Variants in NKX2-6 observed in about 807,000 individuals in gnomAD.
The protein encoded by NKX2-6 is NK2 homeobox 6.
NKX2-6 carries 8 observed loss-of-function variants against 8.6 expected under a neutral mutation model. The ratio of observed to expected loss-of-function variants is 0.93; its 90% confidence interval spans 0.54 to 1.67. NKX2-6 has a LOEUF of 1.67. Among genes scored for constraint, NKX2-6 ranks in the 40% most tolerant of loss-of-function variants. The pLI, the probability that NKX2-6 is intolerant of heterozygous loss-of-function variation, is 0.00. For synonymous variants in NKX2-6, 210 were observed against 199.3 expected (o/e 1.05, Z -0.45); for missense variants, 475 against 423.1 (o/e 1.12, Z -1.08).
chr8:23,706,600 C>G lies in NKX2-6; in HGVS notation c.-2G>C. 6.5e-7 allele frequency: 1 copy of G among 1,533,982 alleles called. No homozygotes were observed. Among genetic ancestry groups the G allele is most frequent in the South Asian group, 1.2e-5 (1 of 83,886 alleles). On this transcript the variant is annotated 5_prime_UTR_variant, in exon 1 of 2. Coordinates refer to ENST00000325017, the MANE Select transcript of NKX2-6 (RefSeq NM_001136271.3). The stretch of plus-strand genomic sequence containing the variant: ...GGAGGTGACGGGGCTCAGCAGCATC[C>G]CGAAGGCGGATGGGGCGGGGCCGAG...
Position 23,706,675 on chromosome 8 carries a change from G to A in NKX2-6, c.-77C>T, listed in dbSNP as rs1801098160. The A allele has an allele frequency of 7.0e-7, 1 of 1,425,112 alleles. No homozygotes were observed. Among genetic ancestry groups the A allele is most frequent in the East Asian group, 2.5e-5 (1 of 40,284 alleles). The allele number at this position is 1,425,112 out of a possible 1,614,324, so 88.3% of individuals were successfully genotyped here. ...CTGAACTTCCCGTCTTGTCGCTGCA[G>A]GCCCCGCAGACAGACCCAAGCTCTG... On this transcript the variant is annotated 5_prime_UTR_variant, in exon 1 of 2. Coordinates refer to ENST00000325017, the MANE Select transcript of NKX2-6 (RefSeq NM_001136271.3).
intron 1 of NKX2-6, 136 bp from the exon 2 acceptor site, chr8:23,703,218 A>C (rs912268895): frequency 9.6e-7 from 1 of 1,043,130 alleles, no homozygotes; most frequent in African/African-American, 1.7e-5. Flanking sequence ...CTGCCCCCGA[A>C]CCCTGTCCCA....
Position 23,706,198 on chromosome 8 carries a change from C to A in NKX2-6, c.274+127G>T, listed in dbSNP as rs749563297. The stretch of plus-strand genomic sequence containing the variant: ...GATTCGAGAGGCCTTTTTTTGGACT[C>A]CTCGAGAGAAAATGGAGAGAGTCTC... On this transcript the variant is annotated intron_variant, in intron 1 of 1. Transcript: ENST00000325017. 84 of 1,021,554 alleles carry A rather than the reference C, an allele frequency of 8.2e-5. 1 individual carries two copies. The highest frequency in any genetic ancestry group is 1.1e-4 in the Non-Finnish European group (79 of 712,792). The allele number at this position is 1,021,554 out of a possible 1,614,324, so 63.3% of individuals were successfully genotyped here.
intron 1 of NKX2-6, among the ~76,000 whole-genome samples, chr8:23,705,323 T>C (rs1801073256): frequency 6.6e-6 from 1 of 152,182 alleles, no homozygotes; most frequent in Admixed American, 6.5e-5. Flanking sequence ...ATAACTCCGA[T>C]CTAGCCCCTT....
At chr8:23,705,132 G>T (rs1374212021) in intron 1 of NKX2-6, among the ~76,000 whole-genome samples, 1 of 152,264 alleles carries the variant, frequency 6.6e-6, no homozygotes, top group Non-Finnish European at 1.5e-5. Flanking sequence ...GGCGACTGTG[G>T]TGGTCGAAGG....
At chr8:23,703,943 C>G (rs113994953) in intron 1 of NKX2-6, among the ~76,000 whole-genome samples, 3 of 152,260 alleles carry the variant, frequency 2.0e-5, no homozygotes, top group Admixed American at 2.0e-4. Flanking sequence ...AAGGCGCAAA[C>G]TCGGTGACAG....
chr8:23,706,642 G>A lies in NKX2-6; in HGVS notation c.-44C>T. 1 of 1,503,280 alleles carries A rather than the reference G, an allele frequency of 6.7e-7. No homozygotes were observed. Among genetic ancestry groups the A allele is most frequent in the Non-Finnish European group, 8.9e-7 (1 of 1,128,472 alleles). The allele number at this position is 1,503,280 out of a possible 1,614,324, so 93.1% of individuals were successfully genotyped here. A position where few individuals can be genotyped will look rare whatever the true frequency, so the allele number is the denominator to read the frequency against. On this transcript the variant is annotated 5_prime_UTR_variant, in exon 1 of 2. Transcript: ENST00000325017. ...GGGGCCGAGGAGGTCCGGGTGAGGA[G>A]CGGCACCCTGAACTTCCCGTCTTGT...
In NKX2-6 at chr8:23,702,962, C is replaced by G. The variant is rs538006000; in HGVS notation, c.395G>C (p.Arg132Pro). The change falls in exon 2 of 2, where the codon CGA becomes CCA. Residue 132 changes from arginine (R) to proline (P), a missense_variant. Physicochemically the swap from Arg to Pro is moderately radical, Grantham distance 103. Coordinates refer to ENST00000325017, the MANE Select transcript of NKX2-6 (RefSeq NM_001136271.3). ...CGAAAAGAGCACGCGCGGCTTCCGT[C>G]GTTGCCGCGCCTTGGGCTGCTCCGA... ...GRSEQPKARQ[R>P]RKPRVLFSQA... The G allele has an allele frequency of 5.8e-6, 9 of 1,546,510 alleles. No homozygotes were observed. The East Asian group carries it at 1.5e-4, about 25-fold the overall frequency.
rs545814661 is a variant in NKX2-6, at chr8:23,702,404, A to G, written c.*47T>C. On this transcript the variant is annotated 3_prime_UTR_variant, in exon 2 of 2. Coordinates refer to ENST00000325017, the MANE Select transcript of NKX2-6 (RefSeq NM_001136271.3). Reference sequence around the variant, plus strand: ...TGTCACGACCTGCGGGCGGAGGGGAAGGGAACGAGCATCTGGCCCTGGTTG... The same window carrying G: ...TGTCACGACCTGCGGGCGGAGGGGAGGGGAACGAGCATCTGGCCCTGGTTG... 1.1e-5 allele frequency: 15 copies of G among 1,420,844 alleles called. No homozygotes were observed. The East Asian group carries it at 2.6e-4, about 24-fold the overall frequency. 88.0% of individuals were successfully genotyped at this position (1,420,844 alleles called of 1,614,324 possible).
chr8:23,703,669 C>A (rs1801044985), intron 1 of NKX2-6, among the ~76,000 whole-genome samples: 2 of 151,706 alleles, frequency 1.3e-5, no homozygotes, highest in South Asian at 4.2e-4. Flanking sequence ...GCACTCCAGC[C>A]TGGGTGACAG....
intron 1 of NKX2-6, 145 bp downstream of exon 1, chr8:23,706,180 G>C (rs926666772): frequency 3.8e-6 from 3 of 799,904 alleles, no homozygotes; most frequent in Non-Finnish European, 5.8e-6. Context: ...TGGGATTCGA[G>C]AGGCCTTTTT....
chr8:23,704,822 T>C (rs1316825661), intron 1 of NKX2-6, among the ~76,000 whole-genome samples: 1 of 152,204 alleles, frequency 6.6e-6, no homozygotes, highest in East Asian at 1.9e-4. Context: ...TCACAGATCA[T>C]GCAGGCCCTG....
At position 23,703,067 on chromosome 8, in the gene NKX2-6, G is replaced by A. The variant is rs546077329; in HGVS notation, c.290C>T (p.Ala97Val). Residue 97 changes from alanine (A) to valine (V), a missense_variant, in exon 2 of 2, where the codon GCG becomes GTG. Ala to Val is a moderately conservative substitution (Grantham distance 64). Coordinates refer to ENST00000325017, the MANE Select transcript of NKX2-6 (RefSeq NM_001136271.3). The part of the protein sequence containing the change: ...RMGEPQPGLN[A>V]ASPLGGGTRV... The stretch of plus-strand genomic sequence containing the variant: ...GGTCCCGCCGCCGAGGGGCGAGGCC[G>A]CGTTCAGGCCGGGCTCTAAAAGCAC... 2.6e-6 allele frequency: 4 copies of A among 1,540,102 alleles called. No individual in the cohort carries two copies. The highest frequency in any genetic ancestry group is 1.4e-5 in the African/African-American group (1 of 72,988).
At position 23,702,696 on chromosome 8, in the gene NKX2-6, G is replaced by C; in HGVS notation, c.661C>G (p.Leu221Val). 1.3e-6 allele frequency: 2 copies of C among 1,551,380 alleles called. No homozygotes were observed. ...GCAGGTGCGCCGGGCCCGGGGCCCAGGCAGGGCTTGCCATCGCGCACCAGG... is the reference window on the plus strand; with the variant it reads ...GCAGGTGCGCCGGGCCCGGGGCCCACGCAGGGCTTGCCATCGCGCACCAGG... ...PVLVRDGKPC[L>V]GPGPGAPAFP... Residue 221 changes from leucine (L) to valine (V), a missense_variant, in exon 2 of 2, where the codon CTG (leucine) becomes GTG (valine). Physicochemically the swap from Leu to Val is conservative, Grantham distance 32. Coordinates refer to ENST00000325017, the MANE Select transcript of NKX2-6 (RefSeq NM_001136271.3).
intron 1 of NKX2-6, among the ~76,000 whole-genome samples, chr8:23,703,439 G>A (rs952968042): frequency 2.0e-5 from 3 of 152,206 alleles, no homozygotes; most frequent in Non-Finnish European, 4.4e-5. Context: ...GCTCATGCCT[G>A]TAATCCCAGC....
At position 23,706,380 on chromosome 8, in the gene NKX2-6, A is replaced by T; in HGVS notation, c.219T>A (p.Pro73=). 2 of 1,550,324 alleles carry T rather than the reference A, an allele frequency of 1.3e-6. No homozygotes were observed. Among genetic ancestry groups the T allele is most frequent in the Non-Finnish European group, 1.7e-6 (2 of 1,146,816 alleles). The change falls in exon 1 of 2, where the codon CCT becomes CCA. Residue 73 remains proline (P), a synonymous_variant. Coordinates refer to ENST00000325017, the MANE Select transcript of NKX2-6 (RefSeq NM_001136271.3). ...GDRKLDGSEP[P]GGPCEAVLEM... is the part of the protein sequence containing the mutation. ...CCAAGACTGCCTCACAGGGACCCCC[A>T]GGAGGCTCCGAACCATCCAGCTTTC...
intron 1 of NKX2-6, 33 bp from the exon 2 acceptor site, chr8:23,703,115 A>G: frequency 6.5e-7 from 1 of 1,528,174 alleles, no homozygotes; most frequent in Admixed American, 2.0e-5. Context: ...ATCAGCGCCC[A>G]GCCTAAGGCT....
In NKX2-6 at chr8:23,703,706, C is replaced by A. The variant is rs1384220844; in HGVS notation, c.275-624G>T. On this transcript the variant is annotated intron_variant, in intron 1 of 1. Coordinates refer to ENST00000325017, the MANE Select transcript of NKX2-6 (RefSeq NM_001136271.3). ...GCGAGACTCCGTCTCAAAAAACAAA[C>A]AAACAAAAAACAAACAAACAAAAAA... 1.3e-4 allele frequency among the ~76,000 whole-genome samples: 6 copies of A among 47,164 alleles called. No individual in the cohort carries two copies. The East Asian group carries it at 6.0e-3, about 47-fold the overall frequency. The allele number at this position is 47,164 out of a possible 152,430, so 30.9% of individuals were successfully genotyped here. A position where few individuals can be genotyped will look rare whatever the true frequency, so the allele number is the denominator to read the frequency against.
intron 1 of NKX2-6, 66 bp downstream of exon 1, chr8:23,706,259 A>G (rs1585253723): frequency 1.4e-6 from 2 of 1,423,098 alleles, no homozygotes; most frequent in Middle Eastern, 1.8e-4. Context: ...TTCCCCATGC[A>G]CCCATGGATC....
Sources: gnomAD v4.1 joint callset for allele counts (sites outside exome capture counted in the v4.1 genomes callset) on GRCh38, gnomAD v4.1.1 for gene constraint, MANE v1.5 for transcripts, NCBI Gene and HGNC (gene_info 2026-07-23, HGNC 2026-07-21) for gene names.